The following HECTD3 variants were observed in gnomAD, a reference collection of about 807,000 sequenced individuals.
HECTD3 encodes HECT domain E3 ubiquitin protein ligase 3, also known as E3 ubiquitin-protein ligase HECTD3.
Under a neutral mutation model 109.3 loss-of-function variants are expected in HECTD3, and 72 were observed. That is an observed-to-expected ratio of 0.66 (90% CI 0.54 to 0.80). The LOEUF (loss-of-function observed/expected upper bound fraction) is 0.80. Ranked by LOEUF, HECTD3 falls within the 30% of genes least tolerant of loss-of-function variation. The pLI is 0.00. For synonymous variants in HECTD3, 481 were observed against 471.8 expected (o/e 1.02, Z -0.25); for missense variants, 1,041 against 1,165.2 (o/e 0.89, Z 1.55).
At chr1:45,004,578 T>A in intron 16 of HECTD3, 22 bp downstream of exon 16, 1 of 1,613,256 alleles carries the variant, frequency 6.2e-7, no homozygotes, top group Non-Finnish European at 8.5e-7. Context: ...AGCTCTCTGC[T>A]CTACTAGCCT....
rs1644791437 is a variant in HECTD3 at position 45,011,273 on chromosome 1, G to T, written c.-16C>A. 1 of 1,356,374 alleles carries T rather than the reference G, an allele frequency of 7.4e-7. No individual in the cohort carries two copies. The highest frequency in any genetic ancestry group is 4.0e-5 in the Admixed American group (1 of 25,084). The allele number at this position is 1,356,374 out of a possible 1,614,324, so 84.0% of individuals were successfully genotyped here. On this transcript the variant is annotated 5_prime_UTR_variant, in exon 1 of 21. Coordinates refer to ENST00000372172, the MANE Select transcript of HECTD3 (RefSeq NM_024602.6). The stretch of plus-strand genomic sequence containing the variant: ...GACCCGCCATGGCGAAGTGGCGGAG[G>T]TGAGCACCTAGAGGCGACCCTGCCC...
At chr1:45,009,807 G>T in intron 4 of HECTD3, 124 bp from the exon 5 acceptor site, 1 of 1,050,262 alleles carries the variant, frequency 9.5e-7, no homozygotes, top group Non-Finnish European at 1.4e-6. Context: ...ACTGGTATGG[G>T]ATAGGGGGCC....
In HECTD3 at chr1:45,010,212, T is replaced by C; in HGVS notation, c.612A>G (p.Val204=). ...PQPAEAYAEA[V]QRLLYVPPTW... ...TCCAGCTCACTCACAGTAGCCTTTG[T>C]ACAGCTTCTGCGTATGCCTCTGCCG... Residue 204 remains valine (V), a synonymous_variant, in exon 3 of 21, where the codon GTA becomes GTG. Coordinates refer to ENST00000372172, the MANE Select transcript of HECTD3 (RefSeq NM_024602.6). 1.2e-6 allele frequency: 2 copies of C among 1,614,030 alleles called. No homozygotes were observed. The highest frequency in any genetic ancestry group is 8.5e-7 in the Non-Finnish European group (1 of 1,180,010).
At position 45,006,930 on chromosome 1, in the gene HECTD3, G is replaced by A. The variant is rs755728047; in HGVS notation, c.1621+21C>T. The A allele has an allele frequency of 2.5e-6, 4 of 1,612,792 alleles. No individual in the cohort carries two copies. In the African/African-American group the frequency reaches 5.3e-5, roughly 22 times the overall value. On this transcript the variant is annotated intron_variant, in intron 12 of 20. Coordinates refer to ENST00000372172, the MANE Select transcript of HECTD3 (RefSeq NM_024602.6). The surrounding 1 kb of genome is among the most constrained non-coding windows in gnomAD (Gnocchi z 4.7). Reference sequence around the variant, plus strand: ...ATAGGGCAGCAAGCAGGACCCTTGAGATCCTCCCTCAGGGCCTCACCTTGG... The same window carrying A: ...ATAGGGCAGCAAGCAGGACCCTTGAAATCCTCCCTCAGGGCCTCACCTTGG...
Position 45,003,756 on chromosome 1 carries a change from G to T in HECTD3, c.2430-16C>A. ...GGTCTCGTAGCTGGGGGCATTGAGG[G>T]ACCATAGGTCAGGAAGATGTGTTGG... is the stretch of plus-strand genomic sequence containing the variant. On this transcript the variant is annotated splice_polypyrimidine_tract_variant and intron_variant, in intron 19 of 20. Transcript: ENST00000372172. The surrounding 1 kb of genome is among the most constrained non-coding windows in gnomAD (Gnocchi z 4.7). 1 of 1,613,932 alleles carries T rather than the reference G, an allele frequency of 6.2e-7. No homozygotes were observed.
In HECTD3 at chr1:45,010,988, G is replaced by C; in HGVS notation, c.270C>G (p.Arg90=). 1.3e-6 allele frequency: 2 copies of C among 1,489,312 alleles called. No individual in the cohort carries two copies. The highest frequency in any genetic ancestry group is 1.8e-6 in the Non-Finnish European group (2 of 1,133,594). The allele number at this position is 1,489,312 out of a possible 1,614,324, so 92.3% of individuals were successfully genotyped here. Residue 90 remains arginine, a synonymous_variant, in exon 1 of 21, where the codon CGC becomes CGG. Transcript: ENST00000372172. Reference sequence around the variant, plus strand: ...GGAGCTCAATGCTGTCGCGGGCGGCGCGGAGGGGCCCGGAGCCGGTACCGG... The same window carrying C: ...GGAGCTCAATGCTGTCGCGGGCGGCCCGGAGGGGCCCGGAGCCGGTACCGG... ...PAPGTGSGPL[R]AARDSIELRR...
chr1:45,006,276 G>A lies in HECTD3; in HGVS notation c.1726-160C>T, dbSNP rs939908219. ...TCCCTGTCTGCCCAGAGGTTGCCCT[G>A]AGCAACTCAGTCCCTCCTCTGCCCT... On this transcript the variant is annotated intron_variant, in intron 13 of 20. Transcript: ENST00000372172. This position sits in a 1 kb window ranked among gnomAD's most constrained non-coding sequence, Gnocchi z 4.7. 8.6e-6 allele frequency: 7 copies of A among 816,120 alleles called. No individual in the cohort carries two copies. The African/African-American group carries it at 8.6e-5, about 10-fold the overall frequency. 50.6% of individuals were successfully genotyped at this position (816,120 alleles called of 1,614,324 possible). A position where few individuals can be genotyped will look rare whatever the true frequency, so the allele number is the denominator to read the frequency against.
In HECTD3 at chr1:45,007,545, A is replaced by C. The variant is rs776604623; in HGVS notation, c.1371T>G (p.Ala457=). The part of the protein sequence containing the change: ...LLSRQRPGLV[A]QCLRDSESSK... ...TGCTCTCAGAGTCACGCAGGCACTG[A>C]GCCACCAGGCCTGGCCGCTGGCGGG... is the stretch of plus-strand genomic sequence containing the variant. The change falls in exon 10 of 21, where the codon GCT becomes GCG. Residue 457 remains alanine, a synonymous_variant. Coordinates refer to ENST00000372172, the MANE Select transcript of HECTD3 (RefSeq NM_024602.6). 3 of 1,613,804 alleles carry C rather than the reference A, an allele frequency of 1.9e-6. No homozygotes were observed. In the South Asian group the frequency reaches 3.3e-5, roughly 18 times the overall value.
chr1:45,003,645 A>T lies in HECTD3; in HGVS notation c.2501+24T>A, dbSNP rs946469389. ...GGGTGATGGGGTCCCCTGGGCCCCA[A>T]ATCGAGCCTAGGAAAAAACCCACCT... On this transcript the variant is annotated intron_variant, in intron 20 of 20. Transcript: ENST00000372172. The surrounding 1 kb of genome is among the most constrained non-coding windows in gnomAD (Gnocchi z 4.7). 1.2e-6 allele frequency: 2 copies of T among 1,613,848 alleles called. No homozygotes were observed. Among genetic ancestry groups the T allele is most frequent in the African/African-American group, 2.7e-5 (2 of 74,910 alleles).
Position 45,009,468 on chromosome 1 carries a change from G to C in HECTD3, c.890C>G (p.Thr297Arg). 6.2e-7 allele frequency: 1 copy of C among 1,613,932 alleles called. No homozygotes were observed. Among genetic ancestry groups the C allele is most frequent in the Non-Finnish European group, 8.5e-7 (1 of 1,179,800 alleles). The change falls in exon 6 of 21, where the codon ACA becomes AGA. Residue 297 changes from threonine to arginine, a missense_variant. Thr to Arg is a moderately conservative substitution (Grantham distance 71, BLOSUM62 -1). Around this residue, in one of 2 missense-constraint regions of HECTD3, gnomAD observed 472 missense variants for 449.9 expected, o/e 1.05. Coordinates refer to ENST00000372172, the MANE Select transcript of HECTD3 (RefSeq NM_024602.6). ...AAAGTTGTCATCTGTGGTATCCACT[G>C]TGAGTAGCAGCTTCCTGAAGGGTCA... Reference protein sequence around the residue: ...KGTIVKKLLLTVDTTDDNFMP... With the variant: ...KGTIVKKLLLRVDTTDDNFMP...
Position 45,007,512 on chromosome 1 carries a change from G to A in HECTD3, c.1404C>T (p.Pro468=). The change falls in exon 10 of 21, where the codon CCC becomes CCT. Residue 468 remains proline (P), a synonymous_variant. Transcript: ENST00000372172. ...TGATGTATAGGCGTGGCATGAAGCTGGGCTTGCTGCTCTCAGAGTCACGCA... is the reference window on the plus strand; with the variant it reads ...TGATGTATAGGCGTGGCATGAAGCTAGGCTTGCTGCTCTCAGAGTCACGCA... ...QCLRDSESSK[P]SFMPRLYINR... is the part of the protein sequence containing the mutation. 6.2e-7 allele frequency: 1 copy of A among 1,614,050 alleles called. No individual in the cohort carries two copies. The highest frequency in any genetic ancestry group is 2.2e-5 in the East Asian group (1 of 44,884).
At chr1:45,009,946 A>T (rs763441075) in intron 4 of HECTD3, 40 bp downstream of exon 4, 1 of 1,517,642 alleles carries the variant, frequency 6.6e-7, no homozygotes, top group Admixed American at 2.2e-5. Flanking sequence ...GAGGGGTGTG[A>T]CTATATCTTG....
At chr1:45,007,951 A>C (rs1019979387) in intron 9 of HECTD3, among the ~76,000 whole-genome samples, 1 of 152,012 alleles carries the variant, frequency 6.6e-6, no homozygotes, top group African/African-American at 2.4e-5. Context: ...CACTTTTCTC[A>C]AGACATCTTG....
In HECTD3 at chr1:45,009,159, T is replaced by C; in HGVS notation, c.1057A>G (p.Ile353Val). ...TAAACCTCACCTCGGCACTCCACGA[T>C]GCGGATCTCGATGATCGGGAGGTGG... ...TVHLPIIEIR[I>V]VECRDDGIDV... The change falls in exon 7 of 21, where the codon ATC (isoleucine) becomes GTC (valine). Residue 353 changes from isoleucine to valine, a missense_variant. Physicochemically the swap from Ile to Val is conservative, Grantham distance 29. Transcript: ENST00000372172. The C allele has an allele frequency of 6.2e-7, 1 of 1,614,060 alleles. No homozygotes were observed. Among genetic ancestry groups the C allele is most frequent in the Non-Finnish European group, 8.5e-7 (1 of 1,179,930 alleles).
At chr1:45,009,071 T>C in intron 7 of HECTD3, 73 bp downstream of exon 7, 3 of 1,220,412 alleles carry the variant, frequency 2.5e-6, no homozygotes. Flanking sequence ...TCCTCTTCTC[T>C]CCACACACAC....
At chr1:45,007,333 A>T in intron 10 of HECTD3, 62 bp from the exon 11 acceptor site, 1 of 1,603,618 alleles carries the variant, frequency 6.2e-7, no homozygotes, top group Admixed American at 1.7e-5. Flanking sequence ...TTGCCCCAAG[A>T]ACTTGTTCAG....
chr1:45,011,235 G>A lies in HECTD3; in HGVS notation c.23C>T (p.Ala8Val), dbSNP rs1427505344. The stretch of plus-strand genomic sequence containing the variant: ...CAGCTGCCGGGGGGACTCCAGCACC[G>A]CGCCCGGGCCAGGACCCGCCATGGC... Reference protein sequence around the residue: MAGPGPGAVLESPRQLLG... With the variant: MAGPGPGVVLESPRQLLG... Residue 8 changes from alanine (A) to valine (V), a missense_variant, in exon 1 of 21, where the codon GCG becomes GTG. Physicochemically the swap from Ala to Val is moderately conservative, Grantham distance 64. Transcript: ENST00000372172. 6 of 1,384,102 alleles carry A rather than the reference G, an allele frequency of 4.3e-6. No individual in the cohort carries two copies. The highest frequency in any genetic ancestry group is 2.6e-4 in the Middle Eastern group (1 of 3,852). 85.7% of individuals were successfully genotyped at this position (1,384,102 alleles called of 1,614,324 possible).
chr1:45,004,811 G>A lies in HECTD3; in HGVS notation c.1936-5C>T. 1 of 1,613,742 alleles carries A rather than the reference G, an allele frequency of 6.2e-7. No homozygotes were observed. The highest frequency in any genetic ancestry group is 8.5e-7 in the Non-Finnish European group (1 of 1,179,652). On this transcript the variant is annotated splice_polypyrimidine_tract_variant and splice_region_variant and intron_variant, in intron 15 of 20. Transcript: ENST00000372172. The stretch of plus-strand genomic sequence containing the variant: ...CATCACTTCCAGGAGCTTCACCTAG[G>A]GGTTGGAGAGAGGCAGGGAGGTAAC...
chr1:45,010,760 T>C (rs1025206617), intron 1 of HECTD3, 54 bp from the exon 2 acceptor site: 8 of 1,521,628 alleles, frequency 5.3e-6, no homozygotes, highest in Middle Eastern at 1.9e-4. Context: ...CAGCCGCCTG[T>C]CGTGCCCAGC....
Sources: allele counts gnomAD v4.1 joint callset (sites outside exome capture counted in the v4.1 genomes callset), GRCh38; gene constraint gnomAD v4.1.1; regional missense constraint gnomAD v4.1.1; non-coding constraint Gnocchi (gnomAD v3.1); transcripts MANE v1.5; gene names NCBI Gene and HGNC (gene_info 2026-07-23, HGNC 2026-07-21).